VPS13B: variants seen among roughly 807,000 people sequenced by gnomAD.
The protein encoded by VPS13B is vacuolar protein sorting 13 homolog B.
A neutral mutation model predicts 426.4 loss-of-function variants in VPS13B; 285 were observed. That is an observed-to-expected ratio of 0.67 (90% CI 0.61 to 0.74). The LOEUF (loss-of-function observed/expected upper bound fraction) is 0.74, where lower values mean the gene tolerates loss of function less well. VPS13B is among the 30% of genes least tolerant of loss of function. The pLI is 0.00. For synonymous variants in VPS13B, 1,676 were observed against 1,676.4 expected (o/e 1.00, Z 0.01); for missense variants, 4,537 against 4,782.6 (o/e 0.95, Z 1.51).
At chr8:99,506,189 A>G (rs180969510) in intron 27 of VPS13B, among the ~76,000 whole-genome samples, 8 of 152,296 alleles carry the variant, frequency 5.3e-5, no homozygotes, top group Admixed American at 5.2e-4. Flanking sequence ...GCAATAGCTC[A>G]TTTCCTAAGC....
rs543670502 is a variant in VPS13B, at chr8:99,869,563, GA to G, written c.11392+1101del. On this transcript the variant is annotated intron_variant, in intron 59 of 61. Coordinates refer to ENST00000357162, the MANE Select transcript of VPS13B (RefSeq NM_152564.5). ...TGTGAATGACATGTTCACTCACAGGGAAACTGTCAATAAGATGTGCTATAAC... is the reference window on the plus strand; with the variant it reads ...TGTGAATGACATGTTCACTCACAGGGAACTGTCAATAAGATGTGCTATAAC... Among the ~76,000 whole-genome samples, 10 of 152,280 alleles carry G rather than the reference GA, an allele frequency of 6.6e-5. No homozygotes were observed. The South Asian group carries it at 2.1e-3, about 32-fold the overall frequency.
chr8:99,168,763 T>C (rs977221245), intron 15 of VPS13B, among the ~76,000 whole-genome samples: 2 of 152,094 alleles, frequency 1.3e-5, no homozygotes, highest in Non-Finnish European at 2.9e-5. Context: ...ACTTCTTATC[T>C]ATTGGTTAAT....
chr8:99,458,841 T>G (rs1045510293), intron 23 of VPS13B, among the ~76,000 whole-genome samples: 2 of 152,216 alleles, frequency 1.3e-5, no homozygotes, highest in African/African-American at 2.4e-5. Context: ...ATGAGTAGAT[T>G]GCAAAAATTT....
chr8:99,425,524 A>G (rs1816647093), intron 21 of VPS13B, among the ~76,000 whole-genome samples: 1 of 152,172 alleles, frequency 6.6e-6, no homozygotes, highest in African/African-American at 2.4e-5. Flanking sequence ...AGCCCTTCAT[A>G]CTAAAAACTC....
chr8:99,515,599 G>T (rs1371255471), intron 29 of VPS13B, among the ~76,000 whole-genome samples: 1 of 151,828 alleles, frequency 6.6e-6, no homozygotes, highest in East Asian at 1.9e-4. Context: ...AATTTCTTTT[G>T]TTTTTCTGTG....
intron 19 of VPS13B, among the ~76,000 whole-genome samples, chr8:99,287,234 C>T (rs1588210232): frequency 2.5e-5 from 1 of 39,216 alleles, no homozygotes; most frequent in Admixed American, 2.8e-4. Flanking sequence ...ATCTGTCTGT[C>T]TATCTATCTA....
chr8:99,141,555 A>G (rs1349137973), intron 12 of VPS13B, among the ~76,000 whole-genome samples: 2 of 152,180 alleles, frequency 1.3e-5, no homozygotes, highest in Admixed American at 1.3e-4. Context: ...TTTGATGTGA[A>G]TGGTATGTTA....
chr8:99,016,388 T>C (rs1202729226), intron 2 of VPS13B, among the ~76,000 whole-genome samples: 1 of 152,192 alleles, frequency 6.6e-6, no homozygotes, highest in Non-Finnish European at 1.5e-5. Flanking sequence ...CTTGTTATGT[T>C]TGTTATTTTA....
intron 3 of VPS13B, among the ~76,000 whole-genome samples, chr8:99,065,527 G>A (rs1844438548): frequency 6.6e-6 from 1 of 152,100 alleles, no homozygotes; most frequent in South Asian, 2.1e-4. Flanking sequence ...AGCTATTTAT[G>A]ACAAACCCAC....
chr8:99,154,696 C>A (rs1190817469), intron 14 of VPS13B, among the ~76,000 whole-genome samples: 3 of 152,088 alleles, frequency 2.0e-5, no homozygotes, highest in Non-Finnish European at 4.4e-5. Flanking sequence ...TCCTTTGAGA[C>A]CTTATAAGGG....
intron 29 of VPS13B, among the ~76,000 whole-genome samples, chr8:99,518,441 G>C (rs1209110318): frequency 6.6e-6 from 1 of 152,164 alleles, no homozygotes; most frequent in East Asian, 1.9e-4. Flanking sequence ...AAATAGTGCA[G>C]CTGCATGAGA....
rs1233236922 is a variant in VPS13B at position 99,592,426 on chromosome 8, G to T, written c.5220+14793G>T. On this transcript the variant is annotated intron_variant, in intron 33 of 61. Transcript: ENST00000357162. ...GGTTTTTAGAAATTTCAGCTTTTCT[G>T]CTCTGGTTTCTCCCCATCTTTGTGG... is the stretch of plus-strand genomic sequence containing the variant. 3.9e-5 allele frequency among the ~76,000 whole-genome samples: 6 copies of T among 151,988 alleles called. No individual in the cohort carries two copies. In the East Asian group the frequency reaches 1.2e-3, roughly 29 times the overall value.
intron 61 of VPS13B, 117 bp from the exon 62 acceptor site, chr8:99,875,301 C>A: frequency 1.4e-6 from 2 of 1,390,552 alleles, no homozygotes; most frequent in Non-Finnish European, 2.0e-6. Flanking sequence ...GGATTAATGG[C>A]TTTAATAGAT....
intron 17 of VPS13B, among the ~76,000 whole-genome samples, chr8:99,273,401 C>T (rs1454035131): frequency 6.6e-6 from 1 of 151,778 alleles, no homozygotes; most frequent in South Asian, 2.1e-4. Context: ...CTCTTGACCT[C>T]GTGATCCGCT....
At chr8:99,500,900 GA>G (rs759376041) in intron 25 of VPS13B, among the ~76,000 whole-genome samples, 1 of 152,122 alleles carries the variant, frequency 6.6e-6, no homozygotes, top group Non-Finnish European at 1.5e-5. Flanking sequence ...AAAAGCTGCT[GA>G]AAAGACCAAA....
intron 17 of VPS13B, among the ~76,000 whole-genome samples, chr8:99,248,739 T>C (rs1315717388): frequency 6.6e-6 from 1 of 152,214 alleles, no homozygotes; most frequent in African/African-American, 2.4e-5. Context: ...TTCAAATTTG[T>C]CTTAGGTTTT....
intron 12 of VPS13B, among the ~76,000 whole-genome samples, chr8:99,137,816 A>G (rs1414288173): frequency 6.6e-6 from 1 of 152,212 alleles, no homozygotes; most frequent in East Asian, 1.9e-4. Context: ...TCTAAGATTC[A>G]GAATTAAATA....
intron 50 of VPS13B, among the ~76,000 whole-genome samples, chr8:99,823,555 G>A (rs1199756652): frequency 1.3e-5 from 2 of 152,096 alleles, no homozygotes; most frequent in African/African-American, 2.4e-5. Flanking sequence ...GAGGTTACTG[G>A]TAAAATAACC....
chr8:99,272,265 A>T (rs1393801159), intron 17 of VPS13B, among the ~76,000 whole-genome samples: 1 of 152,190 alleles, frequency 6.6e-6, no homozygotes, highest in Non-Finnish European at 1.5e-5. Flanking sequence ...TTCATGAATA[A>T]TTGGCAAAAT....
Sources: gnomAD v4.1 joint callset for allele counts (sites outside exome capture counted in the v4.1 genomes callset) on GRCh38, gnomAD v4.1.1 for gene constraint, MANE v1.5 for transcripts, NCBI Gene and HGNC (gene_info 2026-07-23, HGNC 2026-07-21) for gene names.